MXRA7: variants seen among roughly 807,000 people sequenced by gnomAD.
MXRA7 encodes the protein matrix remodeling associated 7, also known as matrix-remodeling-associated protein 7.
A neutral mutation model predicts 17.4 loss-of-function variants in MXRA7; 18 were observed. The observed-to-expected ratio is 1.03, with a 90% CI of 0.71 to 1.53. The LOEUF (loss-of-function observed/expected upper bound fraction) is 1.53. Ranked by LOEUF, MXRA7 falls within the 40% of genes most tolerant of loss-of-function variation. The pLI, the probability that MXRA7 is intolerant of heterozygous loss-of-function variation, is 0.00. For synonymous variants in MXRA7, 70 were observed against 101.7 expected, an observed-to-expected ratio of 0.69 and a Z score of 1.87; for missense variants, 141 against 209.3, an observed-to-expected ratio of 0.67 and a Z score of 2.01.
At chr17:76,705,954 G>A (rs1222813942) in intron 1 of MXRA7, among the ~76,000 whole-genome samples, 1 of 152,140 alleles carries the variant, frequency 6.6e-6, no homozygotes, top group Non-Finnish European at 1.5e-5. Context: ...ATTTTGCTAA[G>A]AGAACAGAAA....
chr17:76,687,193 C>T (rs1347248446), intron 2 of MXRA7, among the ~76,000 whole-genome samples: 1 of 152,172 alleles, frequency 6.6e-6, no homozygotes, highest in Non-Finnish European at 1.5e-5. Context: ...AATGTCCCCA[C>T]CTGCAGCCCA....
chr17:76,710,922 C>T lies in MXRA7; in HGVS notation c.25G>A (p.Ala9Thr), dbSNP rs1170677674. ...GCGGTGGCCAGCGCAGGCAGCGCGG[C>T]CAGTAGCTCGGCCGGCGCCTCCATC... MEAPAELL[A>T]ALPALATALA... The change falls in exon 1 of 4, where the codon GCC becomes ACC. Residue 9 changes from alanine (A) to threonine (T), a missense_variant. Transcript: ENST00000449428. The T allele has an allele frequency of 6.0e-6, 6 of 1,000,208 alleles. No homozygotes were observed. In the South Asian group the frequency reaches 2.5e-4, roughly 42 times the overall value. 62.0% of individuals were successfully genotyped at this position (1,000,208 alleles called of 1,614,324 possible).
intron 1 of MXRA7, among the ~76,000 whole-genome samples, chr17:76,703,065 T>C (rs575619316): frequency 4.6e-5 from 7 of 151,524 alleles, no homozygotes; most frequent in African/African-American, 1.7e-4. Context: ...TGAGCTGAGA[T>C]TGCACCACTG....
chr17:76,677,819 CT>C, downstream of MXRA7: 1 of 681,706 alleles, frequency 1.5e-6, no homozygotes. Flanking sequence ...ACTGCGGTTG[CT>C]TTTCAGAACA....
At chr17:76,702,390 C>A (rs1280222390) in intron 1 of MXRA7, among the ~76,000 whole-genome samples, 1 of 152,148 alleles carries the variant, frequency 6.6e-6, no homozygotes, top group Non-Finnish European at 1.5e-5. Flanking sequence ...CACCTGTAGT[C>A]CCAGCTACTT....
chr17:76,675,041 C>G (rs2076229339), downstream of MXRA7: 1 of 152,232 alleles, frequency 6.6e-6, no homozygotes, highest in Non-Finnish European at 1.5e-5. Context: ...TAACTCTTGG[C>G]TTCTCACGTG....
At chr17:76,699,653 T>G (rs2076570934) in intron 1 of MXRA7, among the ~76,000 whole-genome samples, 1 of 152,020 alleles carries the variant, frequency 6.6e-6, no homozygotes, top group Non-Finnish European at 1.5e-5. Flanking sequence ...TGGGTAGGGG[T>G]GGTGGGCTGG....
intron 1 of MXRA7, among the ~76,000 whole-genome samples, chr17:76,700,391 G>A (rs574916427): frequency 2.0e-5 from 3 of 152,230 alleles, no homozygotes; most frequent in Admixed American, 6.5e-5. Context: ...CTGTCTGAAC[G>A]CTTCTGGCAC....
Position 76,710,951 on chromosome 17 carries a change from C to T in MXRA7, c.-5G>A. On this transcript the variant is annotated 5_prime_UTR_variant, in exon 1 of 4. Transcript: ENST00000449428. ...TAGCTCGGCCGGCGCCTCCATCGCG[C>T]CGCGGCCGCCGAGTGCGGGCCAGCT... 3.0e-6 allele frequency: 3 copies of T among 992,690 alleles called. No homozygotes were observed. The allele number at this position is 992,690 out of a possible 1,614,324, so 61.5% of individuals were successfully genotyped here.
At chr17:76,688,947 GCTCACGGGAGGCTC>G (rs1433150705) in intron 1 of MXRA7, 1 of 239,510 alleles carries the variant, frequency 4.2e-6, no homozygotes, top group Non-Finnish European at 8.0e-6. Flanking sequence ...AGCGTCGGCC[GCTCACGGGAGGCTC>G]CCTAACAAAA....
chr17:76,710,496 G>A (rs1246463932), intron 1 of MXRA7, 109 bp downstream of exon 1: 1 of 942,158 alleles, frequency 1.1e-6, no homozygotes, highest in Non-Finnish European at 1.4e-6. Flanking sequence ...GCTTCCTGGG[G>A]GCAGCCTGGG....
intron 1 of MXRA7, among the ~76,000 whole-genome samples, chr17:76,704,879 C>A (rs548167094): frequency 6.6e-6 from 1 of 151,378 alleles, no homozygotes; most frequent in Non-Finnish European, 1.5e-5. Context: ...CTGTTCCATA[C>A]ATCTGTCCTT....
rs56067261 is a variant in MXRA7 at position 76,707,291 on chromosome 17, C to CTTT, written c.342+3311_342+3313dup. Among the ~76,000 whole-genome samples, 25 of 96,128 alleles carry CTTT rather than the reference C, an allele frequency of 2.6e-4. 1 individual carries two copies. The highest frequency in any genetic ancestry group is 6.6e-4 in the African/African-American group (14 of 21,088). The allele number at this position is 96,128 out of a possible 152,430, so 63.1% of individuals were successfully genotyped here. On this transcript the variant is annotated intron_variant, in intron 1 of 3. Transcript: ENST00000449428. ...CACTGCCTTGCAGGAAGTCCCTACTCTTTTTTTTTTTTTTTTTTTTTTTTT... is the reference window on the plus strand; with the variant it reads ...CACTGCCTTGCAGGAAGTCCCTACTCTTTTTTTTTTTTTTTTTTTTTTTTTTTT...
chr17:76,702,640 A>G (rs2076603037), intron 1 of MXRA7, among the ~76,000 whole-genome samples: 1 of 152,226 alleles, frequency 6.6e-6, no homozygotes, highest in Admixed American at 6.5e-5. Flanking sequence ...GCTTGAGGGC[A>G]GGAGTTTGAG....
chr17:76,678,379 T>C (rs2076258011), downstream of MXRA7, among the ~76,000 whole-genome samples: 1 of 152,132 alleles, frequency 6.6e-6, no homozygotes, highest in Non-Finnish European at 1.5e-5. Context: ...CTGGGAGCAA[T>C]GTCTTGTTAT....
At chr17:76,692,043 G>C (rs898629677) in intron 1 of MXRA7, among the ~76,000 whole-genome samples, 2 of 152,066 alleles carry the variant, frequency 1.3e-5, no homozygotes, top group African/African-American at 4.8e-5. Flanking sequence ...TGAGCACAGA[G>C]AGGCTGGTAC....
intron 3 of MXRA7, chr17:76,683,944 G>A (rs1404123098): frequency 6.2e-7 from 1 of 1,606,254 alleles, no homozygotes; most frequent in Non-Finnish European, 8.5e-7. Context: ...TATAAATGCA[G>A]CAAACCTGGT....
intron 1 of MXRA7, among the ~76,000 whole-genome samples, chr17:76,690,530 G>A (rs981816413): frequency 6.6e-6 from 1 of 151,892 alleles, no homozygotes; most frequent in African/African-American, 2.4e-5. Context: ...GCAACATAGT[G>A]CACACCTCGC....
downstream of MXRA7, chr17:76,677,528 G>C (rs1247792422): frequency 1.7e-6 from 2 of 1,183,790 alleles, no homozygotes; most frequent in African/African-American, 3.0e-5. Context: ...AAGAACAAGG[G>C]CATGGGGCAA....
Sources: allele counts gnomAD v4.1 joint callset (sites outside exome capture counted in the v4.1 genomes callset), GRCh38; gene constraint gnomAD v4.1.1; transcripts MANE v1.5; gene names NCBI Gene and HGNC (gene_info 2026-07-23, HGNC 2026-07-21).